Variants in BMP2K observed in about 807,000 individuals in gnomAD.
BMP2K encodes BMP2 inducible kinase.
In BMP2K, 74 loss-of-function variants were observed where a neutral mutation model predicts 116.0. The ratio of observed to expected loss-of-function variants is 0.64; its 90% CI spans 0.53 to 0.77. The LOEUF is 0.77. Among genes scored for constraint, BMP2K ranks in the 30% least tolerant of loss-of-function variants. The pLI, the probability that BMP2K is intolerant of heterozygous loss-of-function variation, is 0.00. For missense variants in BMP2K, 1,365 were observed against 1,403.6 expected (o/e 0.97, Z 0.44); for synonymous variants, 486 against 502.5 (o/e 0.97, Z 0.44).
intron 1 of BMP2K, among the ~76,000 whole-genome samples, chr4:78,794,291 T>G (rs1306564212): frequency 6.6e-6 from 1 of 152,146 alleles, no homozygotes; most frequent in African/African-American, 2.4e-5. Flanking sequence ...AATGAATGTT[T>G]CCATAGAAAA....
At chr4:78,867,780 C>T (rs144110726) in intron 10 of BMP2K, among the ~76,000 whole-genome samples, 294 of 152,164 alleles carry the variant, frequency 1.9e-3, no homozygotes, top group African/African-American at 6.6e-3. Flanking sequence ...AAATGGAGGC[C>T]GGGCATGGTG....
At chr4:78,841,961 A>G (rs543087323) in intron 3 of BMP2K, among the ~76,000 whole-genome samples, 26 of 152,126 alleles carry the variant, frequency 1.7e-4, no homozygotes, top group Non-Finnish European at 7.4e-5. Context: ...TCATATTATT[A>G]TGATATATAA....
intron 9 of BMP2K, among the ~76,000 whole-genome samples, chr4:78,862,022 T>TC (rs1165259070): frequency 4.6e-5 from 7 of 151,912 alleles, no homozygotes; most frequent in South Asian, 2.1e-4. Flanking sequence ...GATTGATTTT[T>TC]CCCCCCCTCA....
At chr4:78,891,500 C>T (rs938524082) in intron 15 of BMP2K, among the ~76,000 whole-genome samples, 1 of 152,130 alleles carries the variant, frequency 6.6e-6, no homozygotes, top group African/African-American at 2.4e-5. Context: ...AATCATTCCT[C>T]TTACTAGGAT....
intron 15 of BMP2K, among the ~76,000 whole-genome samples, chr4:78,903,130 C>G (rs1734103563): frequency 6.6e-6 from 1 of 151,952 alleles, no homozygotes; most frequent in South Asian, 2.1e-4. Context: ...CAATACCTTG[C>G]TGAATGAATT....
intron 1 of BMP2K, among the ~76,000 whole-genome samples, chr4:78,785,766 C>T (rs906645725): frequency 5.9e-5 from 9 of 152,188 alleles, no homozygotes; most frequent in Non-Finnish European, 1.2e-4. Flanking sequence ...CCAATGCTGT[C>T]AGCCCTAATT....
At chr4:78,836,156 A>G (rs780351065) in intron 3 of BMP2K, among the ~76,000 whole-genome samples, 40 of 152,120 alleles carry the variant, frequency 2.6e-4, no homozygotes, top group Admixed American at 1.3e-3. Flanking sequence ...CGTGGCTCAC[A>G]CTGATAATCC....
chr4:78,833,503 A>T, intron 2 of BMP2K, 79 bp from the exon 3 acceptor site: 1 of 930,046 alleles, frequency 1.1e-6, no homozygotes, highest in Non-Finnish European at 1.6e-6. Context: ...TCTTTACATT[A>T]ATTTAGGCTT....
intron 1 of BMP2K, among the ~76,000 whole-genome samples, chr4:78,781,770 T>A (rs1257931756): frequency 6.6e-6 from 1 of 152,030 alleles, no homozygotes; most frequent in Non-Finnish European, 1.5e-5. Flanking sequence ...CAACTTTTGA[T>A]TATGTCTGAG....
chr4:78,803,211 A>G (rs1728657253), intron 1 of BMP2K, among the ~76,000 whole-genome samples: 1 of 152,154 alleles, frequency 6.6e-6, no homozygotes, highest in African/African-American at 2.4e-5. Flanking sequence ...TTCCTTTAAC[A>G]TTCCTTTATA....
intron 1 of BMP2K, among the ~76,000 whole-genome samples, chr4:78,806,844 T>C (rs994642185): frequency 2.6e-5 from 4 of 151,636 alleles, no homozygotes; most frequent in East Asian, 1.9e-4. Context: ...TCTTTTCTTT[T>C]TTTTTTTTTT....
chr4:78,800,411 T>A (rs145560501), intron 1 of BMP2K, among the ~76,000 whole-genome samples: 87 of 152,286 alleles, frequency 5.7e-4, no homozygotes, highest in African/African-American at 1.9e-3. Flanking sequence ...TATGGCACAC[T>A]CTCTATCTTC....
intron 15 of BMP2K, among the ~76,000 whole-genome samples, chr4:78,888,349 C>G (rs562674983): frequency 1.3e-5 from 2 of 152,230 alleles, no homozygotes; most frequent in Admixed American, 1.3e-4. Flanking sequence ...CCTTATACCC[C>G]CAATACCCTG....
At chr4:78,882,867 G>A (rs995809100) in intron 14 of BMP2K, among the ~76,000 whole-genome samples, 2 of 151,950 alleles carry the variant, frequency 1.3e-5, no homozygotes, top group Admixed American at 6.5e-5. Context: ...GTAGTTTATT[G>A]TAAAATATTA....
intron 1 of BMP2K, among the ~76,000 whole-genome samples, chr4:78,806,273 T>C (rs1728815555): frequency 6.6e-6 from 1 of 152,086 alleles, no homozygotes; most frequent in Non-Finnish European, 1.5e-5. Flanking sequence ...ACTCCTGGAC[T>C]CATGCATTCC....
At position 78,822,231 on chromosome 4, in the gene BMP2K, T is replaced by G. The variant is rs115868423; in HGVS notation, c.179-3806T>G. On this transcript the variant is annotated intron_variant, in intron 1 of 15. Transcript: ENST00000502613. ...AATTTTTAGATTGGCTTAACAAAAC[T>G]ACTCTCTCATTTTAATCTGGTTACC... 4.5e-3 allele frequency among the ~76,000 whole-genome samples: 680 copies of G among 152,288 alleles called. 2 individuals carry two copies. The highest frequency in any genetic ancestry group is 0.015 in the African/African-American group (643 of 41,550).
chr4:78,871,455 G>A (rs1732352565), intron 11 of BMP2K, among the ~76,000 whole-genome samples: 1 of 152,188 alleles, frequency 6.6e-6, no homozygotes. Context: ...GGTTTTGGTT[G>A]ATAGATCCAG....
At chr4:78,863,360 G>C (rs146919400) in intron 9 of BMP2K, among the ~76,000 whole-genome samples, 1 of 152,000 alleles carries the variant, frequency 6.6e-6, no homozygotes, top group Non-Finnish European at 1.5e-5. Flanking sequence ...CATTACCCAC[G>C]TTTTCAAAAA....
At chr4:78,827,842 C>G (rs757946269) in intron 2 of BMP2K, among the ~76,000 whole-genome samples, 3 of 152,216 alleles carry the variant, frequency 2.0e-5, no homozygotes, top group Non-Finnish European at 4.4e-5. Flanking sequence ...TTTCTTTGAT[C>G]AAAGTAGCAG....
Sources: gnomAD v4.1 joint callset for allele counts (sites outside exome capture counted in the v4.1 genomes callset) on GRCh38, gnomAD v4.1.1 for gene constraint, MANE v1.5 for transcripts, NCBI Gene and HGNC (gene_info 2026-07-23, HGNC 2026-07-21) for gene names.